The following ZNF837 variants were observed in gnomAD, a reference collection of about 807,000 sequenced individuals.
ZNF837 encodes the protein zinc finger protein 837.
For synonymous variants in ZNF837, 475 were observed against 365.2 expected, an observed-to-expected ratio of 1.30 and a Z score of -3.43; for missense variants, 955 against 801.7, an observed-to-expected ratio of 1.19 and a Z score of -2.31.
chr19:58,375,332 G>A lies in ZNF837; in HGVS notation c.-139-5404C>T, dbSNP rs1381829748. 2.4e-4 allele frequency among the ~76,000 whole-genome samples: 24 copies of A among 100,814 alleles called. No homozygotes were observed. In the South Asian group the frequency reaches 7.3e-3, roughly 31 times the overall value. 66.1% of individuals were successfully genotyped at this position (100,814 alleles called of 152,430 possible). On this transcript the variant is annotated intron_variant, in intron 1 of 2. Coordinates refer to ENST00000597582, the MANE Select transcript of ZNF837 (RefSeq NM_138466.2). ...TATATAAAATTACATATATACTTAAGAGTATATATTTATATAGAATGTAAA... is the reference window on the plus strand; with the variant it reads ...TATATAAAATTACATATATACTTAAAAGTATATATTTATATAGAATGTAAA...
intron 1 of ZNF837, among the ~76,000 whole-genome samples, chr19:58,373,540 A>T (rs987480591): frequency 1.3e-5 from 2 of 152,202 alleles, no homozygotes; most frequent in Non-Finnish European, 2.9e-5. Flanking sequence ...ACACTTGTGG[A>T]TCTGAGTCTG....
intron 1 of ZNF837, among the ~76,000 whole-genome samples, chr19:58,373,597 ACT>A (rs2122126017): frequency 6.6e-6 from 1 of 152,180 alleles, no homozygotes; most frequent in Non-Finnish European, 1.5e-5. Context: ...GTAGCTTGTT[ACT>A]CTCTTTCTGT....
intron 1 of ZNF837, among the ~76,000 whole-genome samples, chr19:58,376,867 C>T (rs1047684061): frequency 6.6e-6 from 1 of 150,944 alleles, no homozygotes; most frequent in African/African-American, 2.4e-5. Context: ...ATGGCTTGAG[C>T]CCAGGAGTTA....
rs2052177911 is a variant in ZNF837 at position 58,369,243 on chromosome 19, C to T, written c.90G>A (p.Glu30=). 1.6e-5 allele frequency: 23 copies of T among 1,420,162 alleles called. No individual in the cohort carries two copies. Among genetic ancestry groups the T allele is most frequent in the South Asian group, 1.4e-4 (9 of 65,724 alleles). 88.0% of individuals were successfully genotyped at this position (1,420,162 alleles called of 1,614,324 possible). Residue 30 remains glutamate, a synonymous_variant, in exon 3 of 3, where the codon GAG becomes GAA. Transcript: ENST00000597582. ...GASGAREKRP[E]EPRPLEEDRA... ...GGTCCTCTTCGAGGGGCCTCGGCTC[C>T]TCGGGCCTCTTCTCCCGGGCCCCGG... is the stretch of plus-strand genomic sequence containing the variant.
rs567032699 is a variant in ZNF837, at chr19:58,379,028, C to T, written c.-140+1913G>A. Reference sequence around the variant, plus strand: ...TAAATTTCTGTTGTTTTAAACTGCCCAGTTTGTGGTAGTGTGTTATAGCAG... The same window carrying T: ...TAAATTTCTGTTGTTTTAAACTGCCTAGTTTGTGGTAGTGTGTTATAGCAG... On this transcript the variant is annotated intron_variant, in intron 1 of 2. Coordinates refer to ENST00000597582, the MANE Select transcript of ZNF837 (RefSeq NM_138466.2). Among the ~76,000 whole-genome samples the T allele has an allele frequency of 3.1e-4, 47 of 152,286 alleles. No homozygotes were observed. The South Asian group carries it at 9.5e-3, about 31-fold the overall frequency.
chr19:58,368,430 G>T lies in ZNF837; in HGVS notation c.903C>A (p.Cys301Ter). Residue 301 changes from cysteine to a stop codon, truncating the protein, a stop_gained, in exon 3 of 3, where the codon TGC (cysteine) becomes TGA (stop). Transcript: ENST00000597582. LOFTEE classifies it low-confidence loss of function (END_TRUNC). ...RIHTGERPYE[C>*]AECGKAFVRC... ...GCACGAAGGCCTTGCCGCACTCGGC[G>T]CACTCGTAGGGCCGCTCGCCCGTGT... 1 of 1,556,246 alleles carries T rather than the reference G, an allele frequency of 6.4e-7. No individual in the cohort carries two copies. The highest frequency in any genetic ancestry group is 2.4e-5 in the East Asian group (1 of 41,362).
rs772330537 is a variant in ZNF837, at chr19:58,368,232, G to GTCGGCGCAC, written c.1092_1100dup (p.Glu364_Ala366dup). On this transcript the variant is annotated inframe_insertion, in exon 3 of 3. Transcript: ENST00000597582. ...AGAACAGCCCGAAGGCCTTGGCGCA[G>GTCGGCGCAC]TCGGCGCACTCGTACGGCTTCTCCC... The GTCGGCGCAC allele has an allele frequency of 1.3e-6, 2 of 1,518,066 alleles. No homozygotes were observed. The highest frequency in any genetic ancestry group is 2.5e-5 in the South Asian group (2 of 80,418). The allele number at this position is 1,518,066 out of a possible 1,614,324, so 94.0% of individuals were successfully genotyped here.
chr19:58,376,554 C>CAAAAAAAAAAAAAAAAAAAAAAAAAAA (rs59075587), intron 1 of ZNF837, among the ~76,000 whole-genome samples: 1 of 67,768 alleles, frequency 1.5e-5, no homozygotes, highest in Non-Finnish European at 2.7e-5. Flanking sequence ...GACTCTGTCT[C>CAAAAAAAAAAAAAAAAAAAAAAAAAAA]AAAAAAAAAA....
At chr19:58,371,402 C>T (rs1230603268) in intron 1 of ZNF837, among the ~76,000 whole-genome samples, 2 of 151,996 alleles carry the variant, frequency 1.3e-5, no homozygotes, top group African/African-American at 4.8e-5. Flanking sequence ...AGCGAGACTC[C>T]GTCTCAAAAA....
rs1352452920 is a variant in ZNF837, at chr19:58,369,174, C to T, written c.159G>A (p.Ala53=). 1.5e-5 allele frequency: 22 copies of T among 1,451,218 alleles called. No individual in the cohort carries two copies. Among genetic ancestry groups the T allele is most frequent in the East Asian group, 2.6e-5 (1 of 38,184 alleles). The allele number at this position is 1,451,218 out of a possible 1,614,324, so 89.9% of individuals were successfully genotyped here. A position where few individuals can be genotyped will look rare whatever the true frequency, so the allele number is the denominator to read the frequency against. Residue 53 remains alanine (A), a synonymous_variant, in exon 3 of 3, where the codon GCG becomes GCA. Coordinates refer to ENST00000597582, the MANE Select transcript of ZNF837 (RefSeq NM_138466.2). ...CTGGGGGAGTCGTCCTACCGCCCGC[C>T]GCTCCACGCAGGTCCCCCTTTTGAG... ...RPTQKGDLRG[A]AGGRTTPPGG... is the part of the protein sequence containing the mutation.
Position 58,368,422 on chromosome 19 carries a change from C to T in ZNF837, c.911G>A (p.Cys304Tyr). Reference sequence around the variant, plus strand: ...GGAGCAGCGCACGAAGGCCTTGCCGCACTCGGCGCACTCGTAGGGCCGCTC... The same window carrying T: ...GGAGCAGCGCACGAAGGCCTTGCCGTACTCGGCGCACTCGTAGGGCCGCTC... ...TGERPYECAE[C>Y]GKAFVRCSGL... Residue 304 changes from cysteine (C) to tyrosine (Y), a missense_variant, in exon 3 of 3, where the codon TGC becomes TAC. Coordinates refer to ENST00000597582, the MANE Select transcript of ZNF837 (RefSeq NM_138466.2). 1 of 1,551,528 alleles carries T rather than the reference C, an allele frequency of 6.4e-7. No individual in the cohort carries two copies. The highest frequency in any genetic ancestry group is 8.7e-7 in the Non-Finnish European group (1 of 1,150,732).
Position 58,368,975 on chromosome 19 carries a change from G to A in ZNF837, c.358C>T (p.Arg120Cys). 1 of 1,531,948 alleles carries A rather than the reference G, an allele frequency of 6.5e-7. No individual in the cohort carries two copies. Among genetic ancestry groups the A allele is most frequent in the Middle Eastern group, 1.8e-4 (1 of 5,678 alleles). 94.9% of individuals were successfully genotyped at this position (1,531,948 alleles called of 1,614,324 possible). A position where few individuals can be genotyped will look rare whatever the true frequency, so the allele number is the denominator to read the frequency against. The part of the protein sequence containing the change: ...AREGPCRSPA[R>C]GGDCSRNSCL... ...GAGTTCCTGCTGCAGTCCCCGCCACGCGCTGGGCTCCTACAGGGGCCCTCC... is the reference window on the plus strand; with the variant it reads ...GAGTTCCTGCTGCAGTCCCCGCCACACGCTGGGCTCCTACAGGGGCCCTCC... The change falls in exon 3 of 3, where the codon CGT (arginine) becomes TGT (cysteine). Residue 120 changes from arginine to cysteine, a missense_variant. By Grantham distance (180) the Arg-to-Cys change is radical (BLOSUM62 -3). Coordinates refer to ENST00000597582, the MANE Select transcript of ZNF837 (RefSeq NM_138466.2).
At chr19:58,380,891 G>T (rs906129410) in intron 1 of ZNF837, 50 bp downstream of exon 1, 16 of 152,410 alleles carry the variant, frequency 1.0e-4, no homozygotes, top group African/African-American at 3.8e-4. Flanking sequence ...GCGCCGGGAG[G>T]TCCCCGCCTC....
chr19:58,370,122 C>T (rs1172326374), intron 1 of ZNF837, among the ~76,000 whole-genome samples, 194 bp from the exon 2 acceptor site: 1 of 152,216 alleles, frequency 6.6e-6, no homozygotes, highest in African/African-American at 2.4e-5. Flanking sequence ...TGGCTTGAGA[C>T]AGTGCAAACT....
Position 58,369,139 on chromosome 19 carries a change from G to T in ZNF837, c.194C>A (p.Ser65Tyr), listed in dbSNP as rs146634192. ...GGRTTPPGGG[S>Y]RGCSLGVSPG... ...GCTCACCCCGAGGCTGCAGCCCCGG[G>T]AGCCCCCGCCTGGGGGAGTCGTCCT... Residue 65 changes from serine (S) to tyrosine (Y), a missense_variant, in exon 3 of 3, where the codon TCC becomes TAC. Coordinates refer to ENST00000597582, the MANE Select transcript of ZNF837 (RefSeq NM_138466.2). 503 of 1,458,528 alleles carry T rather than the reference G, an allele frequency of 3.4e-4. 1 individual carries two copies. In the African/African-American group the frequency reaches 6.3e-3, roughly 18 times the overall value. The allele number at this position is 1,458,528 out of a possible 1,614,324, so 90.3% of individuals were successfully genotyped here.
At chr19:58,377,074 A>T (rs8106477) in intron 1 of ZNF837, among the ~76,000 whole-genome samples, 60,944 of 151,496 alleles carry the variant, frequency 0.4, 12,672 homozygotes, top group Middle Eastern at 0.52. Flanking sequence ...AAAATTAGCC[A>T]GGCGAGGTGG....
At position 58,369,073 on chromosome 19, in the gene ZNF837, A is replaced by T. The variant is rs933067344; in HGVS notation, c.260T>A (p.Leu87His). 20 of 1,521,184 alleles carry T rather than the reference A, an allele frequency of 1.3e-5. No homozygotes were observed. The highest frequency in any genetic ancestry group is 1.6e-5 in the Non-Finnish European group (18 of 1,133,718). 94.2% of individuals were successfully genotyped at this position (1,521,184 alleles called of 1,614,324 possible). The change falls in exon 3 of 3, where the codon CTC (leucine) becomes CAC (histidine). Residue 87 changes from leucine (L) to histidine (H), a missense_variant. Physicochemically the swap from Leu to His is moderately conservative, Grantham distance 99 (BLOSUM62 -3). Transcript: ENST00000597582. ...GGTGGGGCCGCACGGCTCCCGCACG[A>T]GGGGTCTGGTCCCGGCGCTGTGCCG... The part of the protein sequence containing the change: ...GTRHSAGTRP[L>H]VREPCGPTSS...
intron 1 of ZNF837, among the ~76,000 whole-genome samples, chr19:58,380,277 T>G (rs148008821): frequency 1.9e-3 from 284 of 152,318 alleles, no homozygotes; most frequent in African/African-American, 6.4e-3. Context: ...TCTGTGTCTG[T>G]CCTCCCGACA....
chr19:58,376,227 G>T (rs1024159691), intron 1 of ZNF837, among the ~76,000 whole-genome samples: 7 of 151,684 alleles, frequency 4.6e-5, no homozygotes, highest in Admixed American at 2.0e-4. Context: ...GCCGAAGGTG[G>T]TTTCTTTTAA....
Sources: gnomAD v4.1 joint callset for allele counts (sites outside exome capture counted in the v4.1 genomes callset) on GRCh38, gnomAD v4.1.1 for gene constraint, MANE v1.5 for transcripts, NCBI Gene and HGNC (gene_info 2026-07-23, HGNC 2026-07-21) for gene names.